Variants in MGA observed in about 807,000 individuals in gnomAD.
MGA encodes the protein MAX gene-associated protein.
A neutral mutation model predicts 261.1 loss-of-function variants in MGA; 40 were observed. The ratio of observed to expected loss-of-function variants is 0.15; its 90% CI spans 0.12 to 0.20. The LOEUF (loss-of-function observed/expected upper bound fraction) is 0.20. MGA is among the 10% of genes least tolerant of loss of function. The pLI is 1.00. For synonymous variants in MGA, 1,302 were observed against 1,290.6 expected (o/e 1.01, Z -0.19); for missense variants, 3,397 against 3,630.5 (o/e 0.94, Z 1.65).
intron 2 of MGA, among the ~76,000 whole-genome samples, chr15:41,680,988 T>C (rs1171471079): frequency 1.3e-5 from 2 of 152,216 alleles, no homozygotes; most frequent in Non-Finnish European, 2.9e-5. Context: ...ACAGGTCATG[T>C]CATTAGCTTA....
chr15:41,749,380 A>G lies in MGA; in HGVS notation c.5773A>G (p.Ser1925Gly), dbSNP rs769985166. The G allele has an allele frequency of 1.6e-5, 26 of 1,614,002 alleles. No homozygotes were observed. Among genetic ancestry groups the G allele is most frequent in the Non-Finnish European group, 2.1e-5 (25 of 1,179,884 alleles). Residue 1925 changes from serine (S) to glycine (G), a missense_variant, in exon 17 of 24, where the codon AGC (serine) becomes GGC (glycine). Physicochemically the swap from Ser to Gly is moderately conservative, Grantham distance 56. Transcript: ENST00000219905. ...AGGCTCTGAAACCAAAATAACTTAT[A>G]GCTCAGGAGGACAGCCTGTTGGTAC...
chr15:41,624,909 A>G (rs1595531016), intron 1 of MGA, among the ~76,000 whole-genome samples: 1 of 152,226 alleles, frequency 6.6e-6, no homozygotes, highest in Non-Finnish European at 1.5e-5. Context: ...TGGGAGGCCC[A>G]GGTGGGAGGA....
Position 41,636,459 on chromosome 15 carries a change from A to AC in MGA, c.-68+15161_-68+15162insC, listed in dbSNP as rs2056709900. Reference sequence around the variant, plus strand: ...AGGTGCCTGCCACCATGCTTGGCTAATTTTTTTTTTTTTTTTTTTGAGATG... The same window carrying AC: ...AGGTGCCTGCCACCATGCTTGGCTAACTTTTTTTTTTTTTTTTTTTGAGATG... On this transcript the variant is annotated intron_variant, in intron 1 of 8. Coordinates refer to the MGA transcript ENST00000566718. 3.4e-5 allele frequency among the ~76,000 whole-genome samples: 3 copies of AC among 87,424 alleles called. No homozygotes were observed. The South Asian group carries it at 1.0e-3, about 30-fold the overall frequency. 57.4% of individuals were successfully genotyped at this position (87,424 alleles called of 152,430 possible).
intron 2 of MGA, among the ~76,000 whole-genome samples, chr15:41,683,472 T>G (rs2151122519): frequency 6.6e-6 from 1 of 152,214 alleles, no homozygotes; most frequent in East Asian, 1.9e-4. Context: ...GCTCAAGTAG[T>G]CCTCGTGCCT....
At chr15:41,685,729 C>T (rs1326786700) in intron 2 of MGA, among the ~76,000 whole-genome samples, 1 of 152,068 alleles carries the variant, frequency 6.6e-6, no homozygotes, top group South Asian at 2.1e-4. Context: ...CGTGGTGGCT[C>T]ATGCTTGTAA....
At chr15:41,653,225 A>G (rs1447141296) in intron 1 of MGA, among the ~76,000 whole-genome samples, 1 of 151,768 alleles carries the variant, frequency 6.6e-6, no homozygotes, top group Non-Finnish European at 1.5e-5. Context: ...AAAAATTAGC[A>G]GGGTGTGGTG....
chr15:41,724,545 A>G (rs1162643742), intron 9 of MGA, among the ~76,000 whole-genome samples: 2 of 152,192 alleles, frequency 1.3e-5, no homozygotes, highest in Non-Finnish European at 2.9e-5. Flanking sequence ...TTAAAAAATT[A>G]GCCAAGTGGT....
intron 1 of MGA, among the ~76,000 whole-genome samples, chr15:41,630,044 A>C (rs374132901): frequency 6.6e-6 from 1 of 152,180 alleles, no homozygotes; most frequent in East Asian, 1.9e-4. Flanking sequence ...ATAAACCCCC[A>C]GACTTCTTCG....
intron 2 of MGA, among the ~76,000 whole-genome samples, chr15:41,689,688 C>G (rs1385954611): frequency 6.6e-6 from 1 of 151,700 alleles, no homozygotes; most frequent in South Asian, 2.1e-4. Flanking sequence ...GCTTTAGCCT[C>G]CTGAGTAGCT....
intron 2 of MGA, among the ~76,000 whole-genome samples, chr15:41,694,844 C>G (rs2059472797): frequency 6.6e-6 from 1 of 152,108 alleles, no homozygotes; most frequent in South Asian, 2.1e-4. Context: ...AATTGTAGCT[C>G]ACTGCAGCCT....
intron 5 of MGA, among the ~76,000 whole-genome samples, chr15:41,704,455 C>T (rs12148570): frequency 2.2e-4 from 33 of 152,150 alleles, no homozygotes; most frequent in African/African-American, 7.7e-4. Flanking sequence ...GTCAGGAGAT[C>T]GAGACCATCC....
Position 41,750,186 on chromosome 15 carries a change from T to G in MGA, c.6579T>G (p.Cys2193Trp). 1 of 1,613,918 alleles carries G rather than the reference T, an allele frequency of 6.2e-7. No homozygotes were observed. Among genetic ancestry groups the G allele is most frequent in the Admixed American group, 1.7e-5 (1 of 60,014 alleles). ...AATGTGTTGGAGCTTCACAGGAATG[T>G]AAGAAAGAGGCAGACGAGCAGTTAA... The change falls in exon 17 of 24, where the codon TGT becomes TGG. Residue 2193 changes from cysteine (C) to tryptophan (W), a missense_variant. Cys to Trp is a radical substitution (Grantham distance 215). This residue lies in a region of MGA where 1,410 missense variants were observed against 1,386.4 expected (regional missense o/e 1.02). Transcript: ENST00000219905.
chr15:41,690,804 A>G (rs1170231224), intron 2 of MGA, among the ~76,000 whole-genome samples: 1 of 152,114 alleles, frequency 6.6e-6, no homozygotes, highest in Non-Finnish European at 1.5e-5. Context: ...ACTTGTTTCC[A>G]GGAATTTGAG....
At chr15:41,675,797 A>G (rs1367278254) in intron 2 of MGA, among the ~76,000 whole-genome samples, 1 of 151,980 alleles carries the variant, frequency 6.6e-6, no homozygotes, top group East Asian at 1.9e-4. Context: ...TTATAGCTGT[A>G]GAGGGCAAAA....
At chr15:41,704,983 TTAAAC>T (rs1182459447) in intron 5 of MGA, among the ~76,000 whole-genome samples, 4 of 152,214 alleles carry the variant, frequency 2.6e-5, no homozygotes, top group Non-Finnish European at 4.4e-5. Context: ...GAAATATAGT[TTAAAC>T]TGACATGTAG....
intron 1 of MGA, among the ~76,000 whole-genome samples, chr15:41,632,248 C>T (rs145214177): frequency 1.3e-5 from 2 of 152,156 alleles, no homozygotes; most frequent in Non-Finnish European, 2.9e-5. Flanking sequence ...TTAAGTACTA[C>T]TCAATTCTGT....
At chr15:41,750,675 C>T (rs1244403093) in intron 17 of MGA, 60 bp downstream of exon 17, 7 of 1,452,140 alleles carry the variant, frequency 4.8e-6, no homozygotes, top group Non-Finnish European at 6.4e-6. Flanking sequence ...TTATTAAAGA[C>T]AGAAGCTTTT....
intron 2 of MGA, among the ~76,000 whole-genome samples, chr15:41,685,538 A>G (rs1356843920): frequency 3.3e-5 from 5 of 152,194 alleles, no homozygotes; most frequent in Non-Finnish European, 4.4e-5. Context: ...AAAAGACTTG[A>G]TATCTTGACA....
chr15:41,713,388 C>G lies in MGA; in HGVS notation c.3322C>G (p.Pro1108Ala), dbSNP rs1478400631. 1 of 1,607,596 alleles carries G rather than the reference C, an allele frequency of 6.2e-7. No individual in the cohort carries two copies. Among genetic ancestry groups the G allele is most frequent in the Non-Finnish European group, 8.5e-7 (1 of 1,177,006 alleles). ...TCAGAGGAAGGCTGCTCATCGAGAT[C>G]CAGTATTTTATGATACTCTGGGAGA... Residue 1108 changes from proline to alanine, a missense_variant, in exon 9 of 24, where the codon CCA (proline) becomes GCA (alanine). This residue lies in a region of MGA where 519 missense variants were observed against 554.1 expected (regional missense o/e 0.94). Transcript: ENST00000219905.
Sources: gnomAD v4.1 joint callset for allele counts (sites outside exome capture counted in the v4.1 genomes callset) on GRCh38, gnomAD v4.1.1 for gene constraint, gnomAD v4.1.1 regional missense constraint, MANE v1.5 for transcripts, NCBI Gene and HGNC (gene_info 2026-07-23, HGNC 2026-07-21) for gene names.